The following ANKRD33B variants were observed in gnomAD, a reference collection of about 807,000 sequenced individuals.
ANKRD33B encodes ankyrin repeat domain 33B.
ANKRD33B carries 6 observed loss-of-function variants against 21.5 expected under a neutral mutation model. The observed-to-expected ratio is 0.28, with a 90% confidence interval of 0.15 to 0.55. The LOEUF is 0.55. ANKRD33B is among the 20% of genes least tolerant of loss of function. The pLI, the probability that ANKRD33B is intolerant of heterozygous loss-of-function variation, is 0.94. For synonymous variants in ANKRD33B, 347 were observed against 342.4 expected, an observed-to-expected ratio of 1.01 and a Z score of -0.15; for missense variants, 698 against 747.2, an observed-to-expected ratio of 0.93 and a Z score of 0.77.
rs546624674 is a variant in ANKRD33B, at chr5:10,600,408, C to G, written c.367-17925C>G. Among the ~76,000 whole-genome samples the G allele has an allele frequency of 1.2e-4, 18 of 152,332 alleles. 1 individual carries two copies. The East Asian group carries it at 3.5e-3, about 29-fold the overall frequency. The stretch of plus-strand genomic sequence containing the variant: ...GTCCTTGGATTTCATTAAATAGAAT[C>G]CAGCAGCGTGCACTTTTTGGTGTCT... On this transcript the variant is annotated intron_variant, in intron 1 of 3. Coordinates refer to ENST00000296657, the MANE Select transcript of ANKRD33B (RefSeq NM_001164440.2).
chr5:10,632,439 G>A (rs1736744674), intron 2 of ANKRD33B, among the ~76,000 whole-genome samples: 1 of 152,202 alleles, frequency 6.6e-6, no homozygotes, highest in East Asian at 1.9e-4. Context: ...GTCCCCCAAC[G>A]AAGGCACCTT....
intron 1 of ANKRD33B, among the ~76,000 whole-genome samples, chr5:10,606,095 T>C (rs1736040137): frequency 6.6e-6 from 1 of 152,164 alleles, no homozygotes; most frequent in South Asian, 2.1e-4. Context: ...GCCTCTGAGA[T>C]AGGAATAGAT....
chr5:10,632,875 C>A (rs1270994270), intron 2 of ANKRD33B, among the ~76,000 whole-genome samples: 1 of 152,212 alleles, frequency 6.6e-6, no homozygotes, highest in Non-Finnish European at 1.5e-5. Flanking sequence ...GCAACCTCCT[C>A]CTCCTGGTTT....
At chr5:10,582,465 C>G (rs10050832) in intron 1 of ANKRD33B, among the ~76,000 whole-genome samples, 1 of 152,068 alleles carries the variant, frequency 6.6e-6, no homozygotes, top group African/African-American at 2.4e-5. Context: ...TATAACCCCC[C>G]GCCCTGGAGT....
At chr5:10,633,984 G>T (rs1736797364) in intron 2 of ANKRD33B, among the ~76,000 whole-genome samples, 1 of 152,178 alleles carries the variant, frequency 6.6e-6, no homozygotes, top group Non-Finnish European at 1.5e-5. Flanking sequence ...GTTAAGGAGG[G>T]GGGAACACGT....
chr5:10,621,942 A>G (rs1736430597), intron 2 of ANKRD33B, among the ~76,000 whole-genome samples: 1 of 152,216 alleles, frequency 6.6e-6, no homozygotes, highest in Admixed American at 6.5e-5. Context: ...CCTTATAAGA[A>G]GAGGAAGAGA....
Position 10,564,374 on chromosome 5 carries a change from AC to A in ANKRD33B, c.-93del. The A allele has an allele frequency of 1.2e-6, 1 of 867,944 alleles. No homozygotes were observed. The highest frequency in any genetic ancestry group is 1.4e-6 in the Non-Finnish European group (1 of 718,082). 53.8% of individuals were successfully genotyped at this position (867,944 alleles called of 1,614,324 possible). ...CGCGCGGGCCACGGCTTCTCTGGGGACGCAGAAGCGAGAAGCGGGGACCTCG... is the reference window on the plus strand; with the variant it reads ...CGCGCGGGCCACGGCTTCTCTGGGGAGCAGAAGCGAGAAGCGGGGACCTCG... On this transcript the variant is annotated 5_prime_UTR_variant, in exon 1 of 4. Transcript: ENST00000296657.
intron 1 of ANKRD33B, among the ~76,000 whole-genome samples, chr5:10,613,804 G>A (rs562167227): frequency 6.6e-4 from 100 of 151,962 alleles, no homozygotes; most frequent in African/African-American, 2.3e-3. Flanking sequence ...GCAAGCTGAG[G>A]CAGGAGAATT....
chr5:10,608,744 CG>C (rs1736104998), intron 1 of ANKRD33B, among the ~76,000 whole-genome samples: 1 of 150,984 alleles, frequency 6.6e-6, no homozygotes, highest in Non-Finnish European at 1.5e-5. Flanking sequence ...ATTGCTTAAA[CG>C]CATGACAAAA....
At chr5:10,635,379 C>T (rs1205898787) in intron 2 of ANKRD33B, among the ~76,000 whole-genome samples, 3 of 152,182 alleles carry the variant, frequency 2.0e-5, no homozygotes, top group African/African-American at 7.2e-5. Flanking sequence ...AGTAATTCAG[C>T]AGCTCTGGGT....
chr5:10,649,362 G>T lies in ANKRD33B; in HGVS notation c.734G>T (p.Arg245Met), dbSNP rs909301097. The T allele has an allele frequency of 5.9e-6, 9 of 1,535,390 alleles. No homozygotes were observed. The African/African-American group carries it at 1.2e-4, about 21-fold the overall frequency. ...GTGGATGCCGTCCGTCTCATGCAGA[G>T]GCTGCTGGAGCGCCCCTGCCCGGAG... is the stretch of plus-strand genomic sequence containing the variant. Reference protein sequence around the residue: ...GRVDAVRLMQRLLERPCPEQF... With the variant: ...GRVDAVRLMQMLLERPCPEQF... The change falls in exon 4 of 4, where the codon AGG (arginine) becomes ATG (methionine). Residue 245 changes from arginine to methionine, a missense_variant. Arg to Met is a moderately conservative substitution (Grantham distance 91). This residue lies in a region of ANKRD33B where 543 missense variants were observed against 566.5 expected (regional missense o/e 0.96). Coordinates refer to ENST00000296657, the MANE Select transcript of ANKRD33B (RefSeq NM_001164440.2).
chr5:10,570,165 C>T (rs1735146752), intron 1 of ANKRD33B, among the ~76,000 whole-genome samples: 1 of 152,228 alleles, frequency 6.6e-6, no homozygotes, highest in South Asian at 2.1e-4. Context: ...GCATGAGCCA[C>T]TGCACCCAGC....
rs1553995853 is a variant in ANKRD33B, at chr5:10,650,130, C to G, written c.*17C>G. On this transcript the variant is annotated 3_prime_UTR_variant, in exon 4 of 4. Transcript: ENST00000296657. ...AGGACGTGAGGGCCCGTGTGCCTGG[C>G]GCTGGGGCCGGGGCTGGGGCCGGGG... The G allele has an allele frequency of 4.8e-6, 7 of 1,464,076 alleles. No homozygotes were observed. The highest frequency in any genetic ancestry group is 2.3e-5 in the Admixed American group (1 of 43,350). The allele number at this position is 1,464,076 out of a possible 1,614,324, so 90.7% of individuals were successfully genotyped here.
chr5:10,596,797 GAA>G lies in ANKRD33B; in HGVS notation c.367-21534_367-21533del, dbSNP rs139168893. Among the ~76,000 whole-genome samples the G allele has an allele frequency of 6.6e-3, 1,011 of 152,252 alleles. 8 individuals are homozygous for G. The highest frequency in any genetic ancestry group is 0.023 in the African/African-American group (954 of 41,548). On this transcript the variant is annotated intron_variant, in intron 1 of 3. Transcript: ENST00000296657. ...AAAAAATGTTAAGGGCAGCCAGAGAGAAAGGCCAGGTTACCCACAAAGAGAAT... is the reference window on the plus strand; with the variant it reads ...AAAAAATGTTAAGGGCAGCCAGAGAGAGGCCAGGTTACCCACAAAGAGAAT...
chr5:10,617,063 C>T (rs764361709), intron 1 of ANKRD33B, among the ~76,000 whole-genome samples: 2 of 152,186 alleles, frequency 1.3e-5, no homozygotes, highest in East Asian at 3.8e-4. Context: ...CTCTTGAGGT[C>T]CTTTTTATAG....
intron 3 of ANKRD33B, among the ~76,000 whole-genome samples, chr5:10,646,969 C>T (rs1010419127): frequency 3.3e-5 from 5 of 152,226 alleles, no homozygotes; most frequent in Admixed American, 1.3e-4. Flanking sequence ...ATGTCAGACT[C>T]CTGGGTCTGC....
At chr5:10,616,854 C>T (rs1031010041) in intron 1 of ANKRD33B, among the ~76,000 whole-genome samples, 6 of 152,232 alleles carry the variant, frequency 3.9e-5, no homozygotes, top group South Asian at 2.1e-4. Context: ...GGTACTTATT[C>T]AGAATGGAAG....
Position 10,590,605 on chromosome 5 carries a change from CGCGT to C in ANKRD33B, c.366+25774_366+25777del, listed in dbSNP as rs869038322. Among the ~76,000 whole-genome samples, 559 of 95,318 alleles carry C rather than the reference CGCGT, an allele frequency of 5.9e-3. 3 individuals are homozygous for C. Among genetic ancestry groups the C allele is most frequent in the African/African-American group, 0.022 (467 of 21,390 alleles). The allele number at this position is 95,318 out of a possible 152,430, so 62.5% of individuals were successfully genotyped here. ...ATTTTGAGATGCGCGCGCGCGCGCG[CGCGT>C]GTGTGTGTGTGTGTGTGTTTTCAGC... On this transcript the variant is annotated intron_variant, in intron 1 of 3. Coordinates refer to ENST00000296657, the MANE Select transcript of ANKRD33B (RefSeq NM_001164440.2).
chr5:10,569,597 A>AAAATAAATAAATAAATAAATAAATAAAT (rs56346529), intron 1 of ANKRD33B, among the ~76,000 whole-genome samples: 14 of 148,420 alleles, frequency 9.4e-5, no homozygotes, highest in African/African-American at 2.5e-4. Context: ...CCCGTGTTTG[A>AAAATAAATAAATAAATAAATAAATAAAT]AAATAAATAA....
Sources: gnomAD v4.1 joint callset for allele counts (sites outside exome capture counted in the v4.1 genomes callset) on GRCh38, gnomAD v4.1.1 for gene constraint, gnomAD v4.1.1 regional missense constraint, MANE v1.5 for transcripts, NCBI Gene and HGNC (gene_info 2026-07-23, HGNC 2026-07-21) for gene names.